The following CDH11 variants were observed in gnomAD, a reference collection of about 807,000 sequenced individuals.
The protein encoded by CDH11 is cadherin-11.
A neutral mutation model predicts 67.8 loss-of-function variants in CDH11; 11 were observed. The observed-to-expected ratio is 0.16, with a 90% confidence interval of 0.10 to 0.27. The LOEUF (loss-of-function observed/expected upper bound fraction) is 0.27, where lower values mean the gene tolerates loss of function less well. Ranked by LOEUF, CDH11 falls within the 10% of genes least tolerant of loss-of-function variation. CDH11 has a pLI of 1.00. For synonymous variants in CDH11, 419 were observed against 400.0 expected (o/e 1.05, Z -0.57); for missense variants, 847 against 1,031.2 (o/e 0.82, Z 2.45).
intron 1 of CDH11, among the ~76,000 whole-genome samples, chr16:65,098,875 T>G (rs892620693): frequency 6.6e-6 from 1 of 152,072 alleles, no homozygotes; most frequent in Non-Finnish European, 1.5e-5. Context: ...GCGTGTAGTC[T>G]TCTAAATTTT....
intron 2 of CDH11, among the ~76,000 whole-genome samples, chr16:65,018,440 T>C (rs1406090709): frequency 6.6e-6 from 1 of 152,172 alleles, no homozygotes; most frequent in Non-Finnish European, 1.5e-5. Context: ...AGACTCTCAC[T>C]GCACTTATGG....
At chr16:64,972,089 C>T in intron 9 of CDH11, 25 bp from the exon 10 acceptor site, 1 of 1,610,618 alleles carries the variant, frequency 6.2e-7, no homozygotes, top group South Asian at 1.1e-5. Flanking sequence ...TGCAGACAGT[C>T]AAGAAAGGTC....
chr16:65,053,219 T>A (rs1419364467), intron 2 of CDH11, among the ~76,000 whole-genome samples: 1 of 152,174 alleles, frequency 6.6e-6, no homozygotes, highest in Non-Finnish European at 1.5e-5. Flanking sequence ...ATTCGTAGAA[T>A]CCTAAAATGT....
At chr16:64,975,452 T>A (rs1412180844) in intron 8 of CDH11, among the ~76,000 whole-genome samples, 7 of 152,178 alleles carry the variant, frequency 4.6e-5, no homozygotes, top group Admixed American at 3.3e-4. Context: ...GATTTGATTT[T>A]GTTTTTAAAT....
intron 1 of CDH11, among the ~76,000 whole-genome samples, chr16:65,076,436 T>C (rs1163262183): frequency 2.6e-5 from 4 of 152,096 alleles, no homozygotes; most frequent in South Asian, 2.1e-4. Flanking sequence ...AATAACCTCA[T>C]AGATGTCTCA....
At chr16:65,108,748 A>C (rs1039573958) in intron 1 of CDH11, among the ~76,000 whole-genome samples, 1 of 152,056 alleles carries the variant, frequency 6.6e-6, no homozygotes, top group Non-Finnish European at 1.5e-5. Context: ...ATTACTAGTG[A>C]TATTTTACTA....
intron 4 of CDH11, 114 bp downstream of exon 4, chr16:64,998,448 C>G: frequency 2.1e-6 from 2 of 975,466 alleles, no homozygotes; most frequent in South Asian, 3.2e-5. Context: ...TGTTATTTTG[C>G]CATAAAAGAT....
chr16:64,998,410 A>C (rs2072829894), intron 4 of CDH11, 152 bp downstream of exon 4: 1 of 724,634 alleles, frequency 1.4e-6, no homozygotes, highest in Non-Finnish European at 2.3e-6. Context: ...CCCATTTTAC[A>C]GAGGAACAAA....
intron 2 of CDH11, among the ~76,000 whole-genome samples, chr16:65,016,220 C>T (rs888487347): frequency 7.2e-5 from 11 of 152,012 alleles, no homozygotes; most frequent in Admixed American, 1.3e-4. Flanking sequence ...CAGACATCAA[C>T]AATAGCCTCA....
At chr16:65,044,494 A>T (rs1004783484) in intron 2 of CDH11, among the ~76,000 whole-genome samples, 18 of 152,266 alleles carry the variant, frequency 1.2e-4, no homozygotes, top group African/African-American at 4.3e-4. Flanking sequence ...ATGAAGATAC[A>T]TGTACCCAGG....
chr16:65,027,418 T>C (rs1256814577), intron 2 of CDH11, among the ~76,000 whole-genome samples: 12 of 152,202 alleles, frequency 7.9e-5, no homozygotes, highest in African/African-American at 2.9e-4. Flanking sequence ...CATTGACCAG[T>C]TGCATCTTGT....
intron 1 of CDH11, among the ~76,000 whole-genome samples, chr16:65,101,624 T>C (rs1479914877): frequency 6.6e-6 from 1 of 152,192 alleles, no homozygotes; most frequent in Non-Finnish European, 1.5e-5. Flanking sequence ...AGACCATCAC[T>C]ACCATCTTCC....
Position 64,946,337 on chromosome 16 carries a change from CCCCCAGTT to C in CDH11, c.*1258_*1265del. Reference sequence around the variant, plus strand: ...GCAAATTTATATTTTTGACTCTAGTCCCCCAGTTCCCCAGTGCTCAGTGTGGGGCATAG... The same window carrying C: ...GCAAATTTATATTTTTGACTCTAGTCCCCCAGTGCTCAGTGTGGGGCATAG... On this transcript the variant is annotated 3_prime_UTR_variant, in exon 13 of 13. Coordinates refer to ENST00000268603, the MANE Select transcript of CDH11 (RefSeq NM_001797.4). 1 of 1,039,398 alleles carries C rather than the reference CCCCCAGTT, an allele frequency of 9.6e-7. No individual in the cohort carries two copies. The highest frequency in any genetic ancestry group is 1.7e-5 in the African/African-American group (1 of 59,724). 64.4% of individuals were successfully genotyped at this position (1,039,398 alleles called of 1,614,324 possible).
upstream of CDH11, among the ~76,000 whole-genome samples, chr16:65,122,657 T>A (rs1301739990): frequency 6.6e-6 from 1 of 151,046 alleles, no homozygotes; most frequent in African/African-American, 2.4e-5. Flanking sequence ...CCCCTCTCAA[T>A]CTCCCATCCC....
At chr16:65,030,150 T>A (rs1194430723) in intron 2 of CDH11, among the ~76,000 whole-genome samples, 1 of 152,168 alleles carries the variant, frequency 6.6e-6, no homozygotes, top group Non-Finnish European at 1.5e-5. Flanking sequence ...GTATCAAGCA[T>A]CCTATATCAC....
At chr16:65,063,155 T>C (rs1475700999) in intron 1 of CDH11, among the ~76,000 whole-genome samples, 3 of 152,366 alleles carry the variant, frequency 2.0e-5, no homozygotes, top group Admixed American at 2.0e-4. Context: ...GGAAGCTTTA[T>C]GTAGGCTATT....
At chr16:65,064,938 C>T (rs903836901) in intron 1 of CDH11, among the ~76,000 whole-genome samples, 5 of 152,258 alleles carry the variant, frequency 3.3e-5, no homozygotes, top group African/African-American at 4.8e-5. Flanking sequence ...GACAGGGAGA[C>T]GGAGGCCCAA....
In CDH11 at chr16:64,948,737, G is replaced by C. The variant is rs753274602; in HGVS notation, c.1895-638C>G. ...AGCATCAGCTGGAAGCCCAGATAAAGCAATCTCATGTCTTCCCTGGGAGAG... is the reference window on the plus strand; with the variant it reads ...AGCATCAGCTGGAAGCCCAGATAAACCAATCTCATGTCTTCCCTGGGAGAG... On this transcript the variant is annotated intron_variant, in intron 12 of 12. Coordinates refer to ENST00000268603, the MANE Select transcript of CDH11 (RefSeq NM_001797.4). The C allele has an allele frequency of 8.7e-6, 14 of 1,603,230 alleles. No homozygotes were observed. The African/African-American group carries it at 1.5e-4, about 17-fold the overall frequency.
At chr16:65,111,674 A>AAC (rs71143552) in intron 1 of CDH11, among the ~76,000 whole-genome samples, 43,107 of 140,452 alleles carry the variant, frequency 0.31, 6,352 homozygotes, top group South Asian at 0.39. Flanking sequence ...GAAAGCTAGA[A>AAC]ACACACACAC....
Sources: gnomAD v4.1 joint callset for allele counts (sites outside exome capture counted in the v4.1 genomes callset) on GRCh38, gnomAD v4.1.1 for gene constraint, MANE v1.5 for transcripts, NCBI Gene and HGNC (gene_info 2026-07-23, HGNC 2026-07-21) for gene names.